The following SPTSSB variants were observed in gnomAD, a reference collection of about 807,000 sequenced individuals.
SPTSSB encodes serine palmitoyltransferase small subunit B.
A neutral mutation model predicts 7.7 loss-of-function variants in SPTSSB; 6 were observed. The observed-to-expected ratio is 0.78, with a 90% CI of 0.43 to 1.54. The LOEUF is 1.54. SPTSSB is among the 40% of genes most tolerant of loss of function. The pLI is 0.01. For synonymous variants in SPTSSB, 28 were observed against 29.7 expected (o/e 0.94, Z 0.19); for missense variants, 91 against 93.0 (o/e 0.98, Z 0.09).
At chr3:161,349,419 A>T (rs948282579) in intron 2 of SPTSSB, among the ~76,000 whole-genome samples, 3 of 152,242 alleles carry the variant, frequency 2.0e-5, no homozygotes, top group African/African-American at 7.2e-5. Context: ...GTGAAATGTG[A>T]TATTAATCTA....
chr3:161,354,269 T>A (rs1339681085), intron 2 of SPTSSB, among the ~76,000 whole-genome samples: 5 of 152,350 alleles, frequency 3.3e-5, no homozygotes, highest in Admixed American at 3.3e-4. Context: ...TCAGTCAGGT[T>A]GTTGTTGATA....
At chr3:161,369,253 T>C (rs1715354182) in intron 1 of SPTSSB, among the ~76,000 whole-genome samples, 1 of 151,660 alleles carries the variant, frequency 6.6e-6, no homozygotes, top group East Asian at 1.9e-4. Context: ...TCTCTTTCTT[T>C]CTTTCTTTCT....
rs145442216 is a variant in SPTSSB at position 161,351,010 on chromosome 3, G to C, written c.-32-4655C>G. The stretch of plus-strand genomic sequence containing the variant: ...TAGAGGGGCATTCTACAAGATACCT[G>C]ACCAGTACTCCCCAAAACCCCCAAG... On this transcript the variant is annotated intron_variant, in intron 2 of 2. Transcript: ENST00000620149. 4.6e-3 allele frequency among the ~76,000 whole-genome samples: 695 copies of C among 152,130 alleles called. 3 individuals are homozygous for C. Among genetic ancestry groups the C allele is most frequent in the Non-Finnish European group, 7.6e-3 (515 of 67,998 alleles).
rs1714153250 is a variant in SPTSSB, at chr3:161,345,170, G to A, written c.*923C>T. 6.6e-6 allele frequency: 1 copy of A among 152,590 alleles called. No individual in the cohort carries two copies. 9.5% of individuals were successfully genotyped at this position (152,590 alleles called of 1,614,324 possible). A position where few individuals can be genotyped will look rare whatever the true frequency, so the allele number is the denominator to read the frequency against. On this transcript the variant is annotated 3_prime_UTR_variant, in exon 3 of 3. Transcript: ENST00000620149. ...ATAAATCTTGTTTTGGCTCTGCAAA[G>A]GAGCCACTATATCAAAGCATTTAAC...
chr3:161,351,697 G>C (rs2108157234), intron 2 of SPTSSB, among the ~76,000 whole-genome samples: 1 of 152,138 alleles, frequency 6.6e-6, no homozygotes, highest in East Asian at 1.9e-4. Flanking sequence ...ATTCTATTCT[G>C]TTCCATTATA....
At chr3:161,371,353 A>G (rs956265686) in intron 1 of SPTSSB, 82 bp downstream of exon 1, 1 of 913,274 alleles carries the variant, frequency 1.1e-6, no homozygotes, top group Non-Finnish European at 1.3e-6. Context: ...CTCAGTATTA[A>G]TTTTTTCCTC....
intron 1 of SPTSSB, among the ~76,000 whole-genome samples, chr3:161,362,284 A>G (rs148101586): frequency 2.0e-5 from 3 of 152,278 alleles, no homozygotes; most frequent in African/African-American, 7.2e-5. Context: ...AAGATCAAAC[A>G]CATGAGATCC....
chr3:161,349,825 G>C (rs1714440115), intron 2 of SPTSSB, among the ~76,000 whole-genome samples: 1 of 152,188 alleles, frequency 6.6e-6, no homozygotes, highest in African/African-American at 2.4e-5. Context: ...TCATAACTGG[G>C]AATGCAGAGT....
At chr3:161,349,019 A>G (rs933008153) in intron 2 of SPTSSB, among the ~76,000 whole-genome samples, 11 of 152,204 alleles carry the variant, frequency 7.2e-5, no homozygotes, top group African/African-American at 2.7e-4. Flanking sequence ...GACTATATAC[A>G]AGATTAAAAG....
chr3:161,354,963 T>G (rs1714701181), intron 2 of SPTSSB, among the ~76,000 whole-genome samples: 1 of 152,190 alleles, frequency 6.6e-6, no homozygotes, highest in African/African-American at 2.4e-5. Context: ...GAAGAAACAT[T>G]TAGAAAATAA....
intron 1 of SPTSSB, among the ~76,000 whole-genome samples, chr3:161,364,439 A>G (rs960487601): frequency 1.3e-5 from 2 of 152,178 alleles, no homozygotes; most frequent in Admixed American, 6.5e-5. Context: ...ATATTCTCTC[A>G]GATAGAAGTA....
At chr3:161,361,881 G>A (rs1715030912) in intron 1 of SPTSSB, among the ~76,000 whole-genome samples, 1 of 152,150 alleles carries the variant, frequency 6.6e-6, no homozygotes, top group African/African-American at 2.4e-5. Context: ...CAGAGTTACT[G>A]TTTTGTATTT....
At chr3:161,370,052 C>T (rs1190578697) in intron 1 of SPTSSB, among the ~76,000 whole-genome samples, 5 of 152,114 alleles carry the variant, frequency 3.3e-5, no homozygotes, top group African/African-American at 1.2e-4. Context: ...AAGTGAGTCC[C>T]ATTTGGATCA....
chr3:161,359,746 G>A, intron 2 of SPTSSB, 56 bp downstream of exon 2: 1 of 985,330 alleles, frequency 1.0e-6, no homozygotes, highest in Non-Finnish European at 1.2e-6. Context: ...ATCTCACAGT[G>A]AAAAGGGGCA....
At chr3:161,348,699 AT>A (rs373233225) in intron 2 of SPTSSB, among the ~76,000 whole-genome samples, 10 of 151,096 alleles carry the variant, frequency 6.6e-5, no homozygotes, top group South Asian at 2.1e-4. Flanking sequence ...GATTAAAAAA[AT>A]TTTTTTTTTG....
chr3:161,362,709 C>A (rs527914863), intron 1 of SPTSSB, among the ~76,000 whole-genome samples: 3 of 151,892 alleles, frequency 2.0e-5, no homozygotes, highest in Non-Finnish European at 4.4e-5. Context: ...TGTGAAATAA[C>A]TTATTTAAAG....
intron 1 of SPTSSB, among the ~76,000 whole-genome samples, chr3:161,371,183 A>C (rs1338930687): frequency 6.6e-6 from 1 of 152,142 alleles, no homozygotes; most frequent in Non-Finnish European, 1.5e-5. Flanking sequence ...ATAGTAAAGA[A>C]ATTTTCTCTT....
chr3:161,369,324 C>CT (rs1214186508), intron 1 of SPTSSB, among the ~76,000 whole-genome samples: 8 of 60,164 alleles, frequency 1.3e-4, no homozygotes, highest in Non-Finnish European at 9.3e-5. Context: ...CTCTTTCTTT[C>CT]TTTCTTTCTT....
intron 1 of SPTSSB, among the ~76,000 whole-genome samples, chr3:161,361,088 T>C (rs1326262212): frequency 6.6e-6 from 1 of 152,112 alleles, no homozygotes; most frequent in Non-Finnish European, 1.5e-5. Context: ...TCCTGGAAGG[T>C]TTCCTCTGGG....
Sources: allele counts gnomAD v4.1 joint callset (sites outside exome capture counted in the v4.1 genomes callset), GRCh38; gene constraint gnomAD v4.1.1; transcripts MANE v1.5; gene names NCBI Gene and HGNC (gene_info 2026-07-23, HGNC 2026-07-21).